Variants in XRRA1 observed in about 807,000 individuals in gnomAD.
XRRA1 encodes X-ray radiation resistance associated 1.
Under a neutral mutation model 80.2 loss-of-function variants are expected in XRRA1, and 69 were observed. The observed-to-expected ratio is 0.86, with a 90% CI of 0.71 to 1.05. The LOEUF (loss-of-function observed/expected upper bound fraction) is 1.05. Ranked by LOEUF, XRRA1 falls within the 50% of genes least tolerant of loss-of-function variation. The probability of loss-of-function intolerance (pLI) is 0.00; values close to 1 mark genes in which losing one functional copy is unlikely to be tolerated. For missense variants in XRRA1, 967 were observed against 976.4 expected (o/e 0.99, Z 0.13); for synonymous variants, 348 against 389.9 (o/e 0.89, Z 1.27).
chr11:74,844,040 A>G (rs549379894), intron 17 of XRRA1, 81 bp from the exon 18 acceptor site: 2 of 1,485,494 alleles, frequency 1.3e-6, no homozygotes, highest in African/African-American at 1.4e-5. Flanking sequence ...AGTCACAGCA[A>G]CAGGCTGGGG....
At chr11:74,923,308 C>T (rs1941393758) in intron 7 of XRRA1, among the ~76,000 whole-genome samples, 1 of 152,140 alleles carries the variant, frequency 6.6e-6, no homozygotes, top group Non-Finnish European at 1.5e-5. Flanking sequence ...ATAGGACTAG[C>T]CAAGTACTAC....
chr11:74,852,037 G>A lies in XRRA1; in HGVS notation c.1216C>T (p.Leu406Phe), dbSNP rs2040000942. The A allele has an allele frequency of 1.2e-6, 2 of 1,613,898 alleles. No homozygotes were observed. Among genetic ancestry groups the A allele is most frequent in the East Asian group, 4.5e-5 (2 of 44,872 alleles). Residue 406 changes from leucine (L) to phenylalanine (F), a missense_variant, in exon 13 of 19, where the codon CTC (leucine) becomes TTC (phenylalanine). By Grantham distance (22) the Leu-to-Phe change is conservative. Coordinates refer to ENST00000684022, the MANE Select transcript of XRRA1 (RefSeq NM_001378157.1). ...TTGTTATGAAAGACGAACTCGCAGA[G>A]AGATGGGAAGAGAGCTACTGGTAGG... ...AVLPVALFPS[L>F]CEFVFHNNPL...
intron 1 of XRRA1, among the ~76,000 whole-genome samples, 158 bp downstream of exon 1, chr11:74,948,770 T>C (rs901121131): frequency 2.0e-5 from 3 of 152,178 alleles, no homozygotes; most frequent in African/African-American, 4.8e-5. Context: ...CACGAAAACA[T>C]TACAAACAGC....
intron 10 of XRRA1, among the ~76,000 whole-genome samples, chr11:74,905,465 T>A (rs2054379422): frequency 6.6e-6 from 1 of 152,196 alleles, no homozygotes; most frequent in South Asian, 2.1e-4. Flanking sequence ...TGGTTTCCTG[T>A]TAGACTCTGA....
At chr11:74,907,969 C>T (rs1245175609) in intron 8 of XRRA1, among the ~76,000 whole-genome samples, 1 of 152,176 alleles carries the variant, frequency 6.6e-6, no homozygotes, top group Non-Finnish European at 1.5e-5. Context: ...TGTGACCTCA[C>T]TTGTGTCCTC....
intron 10 of XRRA1, among the ~76,000 whole-genome samples, chr11:74,902,978 A>G (rs930849856): frequency 6.6e-6 from 1 of 152,216 alleles, no homozygotes; most frequent in African/African-American, 2.4e-5. Context: ...TACATCTACT[A>G]TGTACCCACA....
intron 10 of XRRA1, chr11:74,876,799 C>A (rs2046142441): frequency 6.6e-6 from 1 of 152,162 alleles, no homozygotes; most frequent in Non-Finnish European, 1.5e-5. Flanking sequence ...TGAGTAAGGG[C>A]TATTCATCCT....
intron 12 of XRRA1, among the ~76,000 whole-genome samples, chr11:74,855,641 G>T (rs1490650894): frequency 1.3e-5 from 2 of 152,094 alleles, no homozygotes; most frequent in African/African-American, 4.8e-5. Context: ...GTCACATTTA[G>T]GAACTAAGTA....
chr11:74,923,557 A>T (rs1438745720), intron 7 of XRRA1, among the ~76,000 whole-genome samples: 1 of 152,076 alleles, frequency 6.6e-6, no homozygotes, highest in African/African-American at 2.4e-5. Flanking sequence ...TCTCTAATCT[A>T]TTTTTTATAC....
In XRRA1 at chr11:74,843,587, C is replaced by T; in HGVS notation, c.2150-134G>A. 1.6e-6 allele frequency: 2 copies of T among 1,288,482 alleles called. 1 individual carries two copies. The highest frequency in any genetic ancestry group is 3.0e-5 in the South Asian group (2 of 66,376). The allele number at this position is 1,288,482 out of a possible 1,614,324, so 79.8% of individuals were successfully genotyped here. The stretch of plus-strand genomic sequence containing the variant: ...GAGGATGCTAAGGGGCTAAAAATGG[C>T]CTTTCCAGCTTGGGAAGTCACTGAC... On this transcript the variant is annotated intron_variant, in intron 18 of 18. Coordinates refer to ENST00000684022, the MANE Select transcript of XRRA1 (RefSeq NM_001378157.1).
chr11:74,906,780 A>G (rs2054695869), intron 9 of XRRA1: 1 of 396,908 alleles, frequency 2.5e-6, no homozygotes, highest in Non-Finnish European at 4.5e-6. Flanking sequence ...AAATGCCACT[A>G]TTTTCTTTAC....
At chr11:74,874,915 C>T (rs1346382406) in intron 10 of XRRA1, among the ~76,000 whole-genome samples, 1 of 152,190 alleles carries the variant, frequency 6.6e-6, no homozygotes, top group Non-Finnish European at 1.5e-5. Flanking sequence ...GCAATGTACA[C>T]TCTGAATGAC....
At position 74,937,137 on chromosome 11, in the gene XRRA1, T is replaced by C. The variant is rs79758907; in HGVS notation, c.95-69A>G. 2.2e-3 allele frequency: 3,343 copies of C among 1,486,422 alleles called. 52 individuals carry two copies. The African/African-American group carries it at 0.034, about 15-fold the overall frequency. The allele number at this position is 1,486,422 out of a possible 1,614,324, so 92.1% of individuals were successfully genotyped here. ...CTACAACGAGTGCAGTTATAGACTT[T>C]GTTTATAATACTAAAACCAAAAATA... is the stretch of plus-strand genomic sequence containing the variant. On this transcript the variant is annotated intron_variant, in intron 3 of 18. Transcript: ENST00000684022.
chr11:74,851,085 T>C lies in XRRA1; in HGVS notation c.1380+3A>G. 2 of 1,605,464 alleles carry C rather than the reference T, an allele frequency of 1.2e-6. No homozygotes were observed. Among genetic ancestry groups the C allele is most frequent in the Non-Finnish European group, 1.7e-6 (2 of 1,174,598 alleles). ...GGTGGGAGTCCTGCCTTGGAAGCCC[T>C]ACCTTCCATGATTCCTTCCGAGACA... On this transcript the variant is annotated splice_donor_region_variant and intron_variant, in intron 14 of 18. Coordinates refer to ENST00000684022, the MANE Select transcript of XRRA1 (RefSeq NM_001378157.1).
intron 10 of XRRA1, among the ~76,000 whole-genome samples, chr11:74,886,811 A>T (rs940076810): frequency 2.0e-5 from 3 of 152,252 alleles, no homozygotes; most frequent in African/African-American, 7.2e-5. Flanking sequence ...ACCCAACTTA[A>T]AACTATACTA....
intron 10 of XRRA1, among the ~76,000 whole-genome samples, chr11:74,891,849 A>G (rs866233730): frequency 1.5e-4 from 23 of 152,244 alleles, no homozygotes; most frequent in East Asian, 7.7e-4. Flanking sequence ...ACTTACAAGC[A>G]ATGTGAAGGA....
At chr11:74,921,143 G>A (rs1381596359) in intron 8 of XRRA1, 71 bp downstream of exon 8, 11 of 1,565,154 alleles carry the variant, frequency 7.0e-6, no homozygotes, top group Non-Finnish European at 9.6e-6. Context: ...GGCACTTCAA[G>A]CTGCTATGGG....
chr11:74,924,379 CAGG>C (rs975578689), intron 7 of XRRA1, among the ~76,000 whole-genome samples: 5 of 150,370 alleles, frequency 3.3e-5, no homozygotes. Context: ...GAGGCTGAGG[CAGG>C]AGAATGGCGT....
At chr11:74,851,408 C>T (rs899005709) in intron 13 of XRRA1, among the ~76,000 whole-genome samples, 2 of 152,144 alleles carry the variant, frequency 1.3e-5, no homozygotes, top group Admixed American at 6.5e-5. Flanking sequence ...AACTGAGGCA[C>T]AGAGAGGCTA....
Sources: gnomAD v4.1 joint callset for allele counts (sites outside exome capture counted in the v4.1 genomes callset) on GRCh38, gnomAD v4.1.1 for gene constraint, MANE v1.5 for transcripts, NCBI Gene and HGNC (gene_info 2026-07-23, HGNC 2026-07-21) for gene names.